The following RGS3 variants were observed in gnomAD, a reference collection of about 807,000 sequenced individuals.
RGS3 encodes the protein regulator of G-protein signalling 3.
In RGS3, 80 loss-of-function variants were observed where a neutral mutation model predicts 132.6. That is an observed-to-expected ratio of 0.60 (90% CI 0.50 to 0.73). RGS3 has a LOEUF of 0.73. Among genes scored for constraint, RGS3 ranks in the 30% least tolerant of loss-of-function variants. The probability of loss-of-function intolerance (pLI) is 0.00; values close to 1 mark genes in which losing one functional copy is unlikely to be tolerated. For missense variants in RGS3, 1,382 were observed against 1,530.8 expected (o/e 0.90, Z 1.62); for synonymous variants, 598 against 620.6 (o/e 0.96, Z 0.54).
intron 3 of RGS3, among the ~76,000 whole-genome samples, chr9:113,462,712 C>T (rs1829504446): frequency 6.6e-6 from 1 of 152,208 alleles, no homozygotes; most frequent in South Asian, 2.1e-4. Flanking sequence ...AATTGCCCAG[C>T]TCAGCTCAGC....
chr9:113,566,465 AC>A (rs1188520514), intron 19 of RGS3, among the ~76,000 whole-genome samples: 1 of 152,078 alleles, frequency 6.6e-6, no homozygotes, highest in Admixed American at 6.6e-5. Flanking sequence ...TCCAGGAAGA[AC>A]CCTTGAACCC....
intron 16 of RGS3, among the ~76,000 whole-genome samples, chr9:113,518,825 A>G (rs1831800881): frequency 6.6e-6 from 1 of 152,034 alleles, no homozygotes; most frequent in African/African-American, 2.4e-5. Context: ...GAGGGATTTA[A>G]GTTTTAGGGA....
chr9:113,591,329 G>T lies in RGS3; in HGVS notation c.3016-4G>T, dbSNP rs375309143. The T allele has an allele frequency of 1.2e-6, 2 of 1,613,420 alleles. No individual in the cohort carries two copies. Among genetic ancestry groups the T allele is most frequent in the Admixed American group, 1.7e-5 (1 of 60,024 alleles). On this transcript the variant is annotated splice_polypyrimidine_tract_variant and splice_region_variant and intron_variant, in intron 20 of 24. Transcript: ENST00000350696. The surrounding 1 kb of genome is among the most constrained non-coding windows in gnomAD (Gnocchi z 4.4). The stretch of plus-strand genomic sequence containing the variant: ...ACTGCATCGTGTCTGTCTTCTCTCC[G>T]CAGATGAGCGGGGCTGACACCGTTG...
chr9:113,529,400 G>C, intron 18 of RGS3, 136 bp downstream of exon 16: 1 of 765,930 alleles, frequency 1.3e-6, no homozygotes, highest in African/African-American at 1.7e-5. Flanking sequence ...GGCAAGGCCA[G>C]AGTAGCGGTT....
chr9:113,594,249 C>T (rs10817493), intron 21 of RGS3, 181 bp from the exon 20 acceptor site: 2 of 1,612,130 alleles, frequency 1.2e-6, no homozygotes, highest in Non-Finnish European at 8.5e-7. Context: ...GACCAATCTG[C>T]GGCCCCAAGG....
intron 18 of RGS3, 46 bp downstream of exon 16, chr9:113,529,310 T>C: frequency 6.8e-7 from 1 of 1,463,486 alleles, no homozygotes; most frequent in Non-Finnish European, 9.6e-7. Context: ...TTCGACCTGG[T>C]GCTTGAGGGG....
At chr9:113,556,435 C>T (rs1037870573) in intron 19 of RGS3, among the ~76,000 whole-genome samples, 18 of 152,114 alleles carry the variant, frequency 1.2e-4, no homozygotes, top group Admixed American at 7.9e-4. Flanking sequence ...AACATTAAAG[C>T]GTGCTTTCTT....
chr9:113,462,860 C>T (rs949259111), intron 3 of RGS3, among the ~76,000 whole-genome samples: 1 of 152,218 alleles, frequency 6.6e-6, no homozygotes, highest in African/African-American at 2.4e-5. Context: ...CAAATACCAA[C>T]ACTTCCCATT....
chr9:113,495,130 C>T (rs772085071), intron 7 of RGS3, among the ~76,000 whole-genome samples: 6 of 152,210 alleles, frequency 3.9e-5, no homozygotes, highest in African/African-American at 1.2e-4. Flanking sequence ...CTGCCTGTGC[C>T]TCCCAAAGTG....
chr9:113,515,253 CA>C (rs949489574), intron 15 of RGS3, among the ~76,000 whole-genome samples: 4 of 152,176 alleles, frequency 2.6e-5, no homozygotes, highest in Admixed American at 6.5e-5. Flanking sequence ...TTCGAGGTTA[CA>C]ATGAGCTGTG....
chr9:113,514,372 T>G, intron 14 of RGS3, 86 bp from the exon 13 acceptor site: 265 of 1,201,392 alleles, frequency 2.2e-4, no homozygotes, highest in Non-Finnish European at 2.5e-4. Context: ...GTTGACGGAA[T>G]GAGTCCGTGT....
rs142830247 is a variant in RGS3 at position 113,571,887 on chromosome 9, A to G, written c.2038-11563A>G. ...TGAAATAGATTTTTATCCATGTATGAAGTAGAGGTCAAGACTCATTTTCTC... is the reference window on the plus strand; with the variant it reads ...TGAAATAGATTTTTATCCATGTATGGAGTAGAGGTCAAGACTCATTTTCTC... On this transcript the variant is annotated intron_variant, in intron 19 of 24. Coordinates refer to ENST00000350696, the Ensembl canonical transcript of RGS3. Among the ~76,000 whole-genome samples the G allele has an allele frequency of 3.0e-3, 464 of 152,338 alleles. 3 individuals carry two copies. Among genetic ancestry groups the G allele is most frequent in the Middle Eastern group, 6.8e-3 (2 of 294 alleles).
chr9:113,523,077 A>C (rs780316150), intron 17 of RGS3, 36 bp downstream of exon 15: 1 of 1,370,988 alleles, frequency 7.3e-7, no homozygotes, highest in East Asian at 2.3e-5. Context: ...AGCCCCTCTC[A>C]ACTTGCCCCA....
At chr9:113,523,746 C>A (rs886514123) in intron 17 of RGS3, among the ~76,000 whole-genome samples, 1 of 152,018 alleles carries the variant, frequency 6.6e-6, no homozygotes, top group African/African-American at 2.4e-5. Flanking sequence ...GTTTCCTCTC[C>A]CAGATCATGA....
Position 113,523,140 on chromosome 9 carries a change from G to A in RGS3, c.1870+99G>A, listed in dbSNP as rs1832038797. On this transcript the variant is annotated intron_variant, in intron 17 of 24. Transcript: ENST00000350696. ...GATCTGGCTGCCAGTCATCCGTAGG[G>A]CACTGGAGTGTGTGCTGCTGGGCTC... 6.5e-6 allele frequency: 5 copies of A among 768,846 alleles called. No individual in the cohort carries two copies. The South Asian group carries it at 7.1e-5, about 11-fold the overall frequency. The allele number at this position is 768,846 out of a possible 1,614,324, so 47.6% of individuals were successfully genotyped here.
intron 19 of RGS3, among the ~76,000 whole-genome samples, chr9:113,538,627 G>T (rs969665962): frequency 1.1e-4 from 17 of 152,194 alleles, no homozygotes; most frequent in African/African-American, 3.9e-4. Context: ...TCCCTGTAGG[G>T]CTTTGGGCTT....
intron 17 of RGS3, among the ~76,000 whole-genome samples, chr9:113,528,493 G>C (rs1480842219): frequency 6.6e-6 from 1 of 152,232 alleles, no homozygotes. Flanking sequence ...CCCAGAAGCT[G>C]GGTGTCATCT....
chr9:113,552,569 C>T (rs928591158), intron 19 of RGS3, among the ~76,000 whole-genome samples: 26 of 152,132 alleles, frequency 1.7e-4, no homozygotes, highest in Non-Finnish European at 2.6e-4. Context: ...CCGTCCGACT[C>T]GGCCTCCCAA....
chr9:113,585,028 C>A (rs996220811), intron 20 of RGS3, among the ~76,000 whole-genome samples: 6 of 152,182 alleles, frequency 3.9e-5, no homozygotes, highest in Non-Finnish European at 7.3e-5. Context: ...ACCACCACAC[C>A]GTTTGCCTCT....
Sources: allele counts gnomAD v4.1 joint callset (sites outside exome capture counted in the v4.1 genomes callset), GRCh38; gene constraint gnomAD v4.1.1; non-coding constraint Gnocchi (gnomAD v3.1); transcripts MANE v1.5; gene names NCBI Gene and HGNC (gene_info 2026-07-23, HGNC 2026-07-21).